The following DLGAP1 variants were observed in gnomAD, a reference collection of about 807,000 sequenced individuals.
DLGAP1 encodes disks large-associated protein 1.
In DLGAP1, 11 loss-of-function variants were observed where a neutral mutation model predicts 90.8. That is an observed-to-expected ratio of 0.12 (90% CI 0.08 to 0.20). DLGAP1 has a LOEUF of 0.20. Ranked by LOEUF, DLGAP1 falls within the 10% of genes least tolerant of loss-of-function variation. The probability of loss-of-function intolerance (pLI) is 1.00; values close to 1 mark genes in which losing one functional copy is unlikely to be tolerated. For missense variants in DLGAP1, 1,050 were observed against 1,333.8 expected (o/e 0.79, Z 3.31); for synonymous variants, 558 against 540.7 (o/e 1.03, Z -0.44).
intron 7 of DLGAP1, among the ~76,000 whole-genome samples, chr18:3,601,025 T>TAG (rs1568280382): frequency 7.0e-6 from 1 of 142,558 alleles, no homozygotes; most frequent in African/African-American, 2.5e-5. Context: ...TATATAGATA[T>TAG]ATAGATATAG....
At chr18:3,817,159 A>G (rs778758158) in intron 4 of DLGAP1, among the ~76,000 whole-genome samples, 17 of 152,166 alleles carry the variant, frequency 1.1e-4, no homozygotes, top group Admixed American at 8.5e-4. Flanking sequence ...CTATTTCTCA[A>G]TCCTGATGTG....
At chr18:3,564,362 A>G (rs978400285) in intron 9 of DLGAP1, among the ~76,000 whole-genome samples, 12 of 151,980 alleles carry the variant, frequency 7.9e-5, no homozygotes, top group African/African-American at 2.7e-4. Context: ...GAGGTTGGGT[A>G]TGTCCCTTCC....
intron 8 of DLGAP1, among the ~76,000 whole-genome samples, chr18:3,577,235 C>T (rs1468447222): frequency 1.3e-5 from 2 of 152,164 alleles, no homozygotes; most frequent in African/African-American, 4.8e-5. Context: ...GTGACCCTGC[C>T]ACCTCACAGT....
At chr18:3,814,745 A>ATGGGG (rs2067017434) in intron 4 of DLGAP1, among the ~76,000 whole-genome samples, 1 of 152,200 alleles carries the variant, frequency 6.6e-6, no homozygotes, top group Non-Finnish European at 1.5e-5. Context: ...ATCAGGGTAA[A>ATGGGG]TGGGGTATCC....
intron 7 of DLGAP1, among the ~76,000 whole-genome samples, chr18:3,640,589 C>T (rs953086411): frequency 6.6e-6 from 1 of 152,260 alleles, no homozygotes; most frequent in African/African-American, 2.4e-5. Context: ...TGTCCCACTG[C>T]TGCACTCAGG....
At chr18:4,434,816 AAAGG>A (rs2083364981) in intron 1 of DLGAP1, among the ~76,000 whole-genome samples, 1 of 152,224 alleles carries the variant, frequency 6.6e-6, no homozygotes, top group Non-Finnish European at 1.5e-5. Flanking sequence ...GCCATGCAGA[AAAGG>A]AAGTAAGGAC....
chr18:4,176,088 C>T (rs1418752945), intron 1 of DLGAP1, among the ~76,000 whole-genome samples: 2 of 152,086 alleles, frequency 1.3e-5, no homozygotes, highest in Non-Finnish European at 2.9e-5. Context: ...TTGTTGGTGT[C>T]CTCTCTTATT....
At chr18:4,238,116 T>A (rs2078457236) in intron 1 of DLGAP1, among the ~76,000 whole-genome samples, 1 of 152,154 alleles carries the variant, frequency 6.6e-6, no homozygotes, top group Admixed American at 6.5e-5. Context: ...GATGTCAGAT[T>A]TTTGGATTTG....
intron 2 of DLGAP1, among the ~76,000 whole-genome samples, chr18:4,026,641 ACAT>A (rs1374987555): frequency 6.6e-6 from 1 of 152,220 alleles, no homozygotes; most frequent in African/African-American, 2.4e-5. Flanking sequence ...TCAGGAGATC[ACAT>A]CATAATCTGT....
intron 1 of DLGAP1, among the ~76,000 whole-genome samples, chr18:4,381,555 C>T (rs1567875890): frequency 6.6e-6 from 1 of 152,140 alleles, no homozygotes; most frequent in Non-Finnish European, 1.5e-5. Context: ...TTCTAACAGT[C>T]TGTCCTGCTT....
intron 1 of DLGAP1, among the ~76,000 whole-genome samples, chr18:4,389,122 T>C (rs766504475): frequency 6.6e-6 from 1 of 152,200 alleles, no homozygotes; most frequent in Non-Finnish European, 1.5e-5. Flanking sequence ...TGATCATTGA[T>C]GGATGAATGG....
chr18:3,926,367 C>T lies in DLGAP1; in HGVS notation c.-72-46227G>A, dbSNP rs992416258. Among the ~76,000 whole-genome samples the T allele has an allele frequency of 2.6e-5, 4 of 151,662 alleles. No individual in the cohort carries two copies. In the East Asian group the frequency reaches 5.8e-4, roughly 22 times the overall value. The stretch of plus-strand genomic sequence containing the variant: ...CCAAATGTCCCTGGGGGCAAAACTG[C>T]CCCCTGTGGAGACTCACTAGTGTAA... On this transcript the variant is annotated intron_variant, in intron 3 of 12. Transcript: ENST00000315677.
chr18:3,554,590 A>C (rs1333884423), intron 9 of DLGAP1, among the ~76,000 whole-genome samples: 1 of 152,216 alleles, frequency 6.6e-6, no homozygotes, highest in Admixed American at 6.5e-5. Context: ...GATCCATGGC[A>C]TTTTGAGAAT....
chr18:4,282,521 A>G (rs1412772126), intron 1 of DLGAP1, among the ~76,000 whole-genome samples: 1 of 152,264 alleles, frequency 6.6e-6, no homozygotes. Flanking sequence ...GTACAAAGCC[A>G]TAAATTAATC....
At chr18:3,600,707 G>GATATCTATAGATAT (rs1268136656) in intron 7 of DLGAP1, among the ~76,000 whole-genome samples, 20 of 102,000 alleles carry the variant, frequency 2.0e-4, no homozygotes, top group South Asian at 6.0e-4. Flanking sequence ...GATATCTATA[G>GATATCTATAGATAT]CTATATAGAT....
chr18:3,513,819 A>G (rs1420002481), intron 10 of DLGAP1, among the ~76,000 whole-genome samples: 3 of 152,188 alleles, frequency 2.0e-5, no homozygotes, highest in African/African-American at 7.2e-5. Context: ...CATTTAGAAG[A>G]GAGCATACCT....
At chr18:4,145,883 T>C (rs566184791) in intron 2 of DLGAP1, among the ~76,000 whole-genome samples, 14 of 152,278 alleles carry the variant, frequency 9.2e-5, no homozygotes, top group African/African-American at 3.4e-4. Flanking sequence ...GCAAACTTCA[T>C]GCTTGACACT....
chr18:3,859,796 T>C (rs1273637807), intron 4 of DLGAP1, among the ~76,000 whole-genome samples: 1 of 152,142 alleles, frequency 6.6e-6, no homozygotes, highest in African/African-American at 2.4e-5. Flanking sequence ...TGCAGAACTG[T>C]ACGATAATAA....
At chr18:3,701,731 C>A (rs1029490679) in intron 7 of DLGAP1, among the ~76,000 whole-genome samples, 3 of 152,162 alleles carry the variant, frequency 2.0e-5, no homozygotes, top group Middle Eastern at 3.2e-3. Flanking sequence ...AAGATACCAT[C>A]TGAAGCTGGG....
Sources: allele counts gnomAD v4.1 joint callset (sites outside exome capture counted in the v4.1 genomes callset), GRCh38; gene constraint gnomAD v4.1.1; transcripts MANE v1.5; gene names NCBI Gene and HGNC (gene_info 2026-07-23, HGNC 2026-07-21).